The following ABHD17B variants were observed in gnomAD, a reference collection of about 807,000 sequenced individuals.
ABHD17B encodes abhydrolase domain containing 17B, depalmitoylase, also known as alpha/beta hydrolase domain-containing protein 17B.
Under a neutral mutation model 26.2 loss-of-function variants are expected in ABHD17B, and 9 were observed. That is an observed-to-expected ratio of 0.34 (90% CI 0.21 to 0.60). ABHD17B has a LOEUF of 0.60. Ranked by LOEUF, ABHD17B falls within the 20% of genes least tolerant of loss-of-function variation. The pLI is 0.80. For synonymous variants in ABHD17B, 127 were observed against 122.3 expected (o/e 1.04, Z -0.25); for missense variants, 224 against 352.1 (o/e 0.64, Z 2.91).
intron 1 of ABHD17B, among the ~76,000 whole-genome samples, chr9:71,896,537 G>A (rs544154365): frequency 5.3e-5 from 8 of 152,192 alleles, no homozygotes; most frequent in East Asian, 1.9e-4. Context: ...TTCAGCCTGC[G>A]AATAAAAAAG....
At position 71,865,944 on chromosome 9, in the gene ABHD17B, G is replaced by A. The variant is rs1313467107; in HGVS notation, c.*843C>T. 3 of 985,286 alleles carry A rather than the reference G, an allele frequency of 3.0e-6. No individual in the cohort carries two copies. Among genetic ancestry groups the A allele is most frequent in the South Asian group, 4.7e-5 (1 of 21,276 alleles). 61.0% of individuals were successfully genotyped at this position (985,286 alleles called of 1,614,324 possible). On this transcript the variant is annotated 3_prime_UTR_variant, in exon 4 of 4. Transcript: ENST00000333421. ...CTTTAAGATCAACTCATGGACTTTC[G>A]GGATTTCATACAATGAAGACTACTG... is the stretch of plus-strand genomic sequence containing the variant.
chr9:71,867,477 A>T (rs1825989739), intron 3 of ABHD17B, among the ~76,000 whole-genome samples: 1 of 152,254 alleles, frequency 6.6e-6, no homozygotes, highest in Admixed American at 6.5e-5. Context: ...AATGTACTAA[A>T]ATATAATAAA....
At chr9:71,887,365 T>C (rs955714344) in intron 1 of ABHD17B, among the ~76,000 whole-genome samples, 1 of 152,082 alleles carries the variant, frequency 6.6e-6, no homozygotes, top group Non-Finnish European at 1.5e-5. Flanking sequence ...AAGATGAAAA[T>C]TAAGGGTAAA....
chr9:71,874,510 T>G, intron 2 of ABHD17B, 104 bp downstream of exon 2: 4 of 835,580 alleles, frequency 4.8e-6, no homozygotes, highest in Non-Finnish European at 7.3e-6. Flanking sequence ...ATAACCTCTA[T>G]ATAGCAGTTA....
chr9:71,890,237 C>A (rs1198220655), intron 1 of ABHD17B, among the ~76,000 whole-genome samples: 7 of 152,062 alleles, frequency 4.6e-5, no homozygotes, highest in African/African-American at 1.7e-4. Context: ...TTGCAGTGAG[C>A]CAAGTTTGTG....
At chr9:71,903,760 G>A (rs1396010823) in intron 1 of ABHD17B, among the ~76,000 whole-genome samples, 6 of 152,180 alleles carry the variant, frequency 3.9e-5, no homozygotes, top group African/African-American at 7.2e-5. Context: ...GAATGAGTGA[G>A]ATAAATATTT....
chr9:71,867,048 T>A (rs1825979220), intron 3 of ABHD17B, 42 bp from the exon 4 acceptor site: 2 of 1,593,466 alleles, frequency 1.3e-6, no homozygotes, highest in South Asian at 2.2e-5. Context: ...ATAAATTAAC[T>A]ATGTAAAGGA....
At chr9:71,887,154 G>A (rs1347053093) in intron 1 of ABHD17B, among the ~76,000 whole-genome samples, 1 of 152,068 alleles carries the variant, frequency 6.6e-6, no homozygotes, top group East Asian at 1.9e-4. Context: ...TGGGCAATGT[G>A]CAAATAAGAG....
At chr9:71,862,964 T>C (rs1825866129), downstream of ABHD17B, among the ~76,000 whole-genome samples, 1 of 151,642 alleles carries the variant, frequency 6.6e-6, no homozygotes, top group East Asian at 1.9e-4. Context: ...CTTATGAAGC[T>C]CTCTTAAAGT....
rs1052376895 is a variant in ABHD17B, at chr9:71,910,641, T to A, written c.-11A>T. ...CCCCGAGGCCGCACGCACCTGCACCTGAGCGGCCCGGGCCGAAGCGCCGGG... is the reference window on the plus strand; with the variant it reads ...CCCCGAGGCCGCACGCACCTGCACCAGAGCGGCCCGGGCCGAAGCGCCGGG... On this transcript the variant is annotated 5_prime_UTR_variant, in exon 1 of 4. Coordinates refer to ENST00000333421, the MANE Select transcript of ABHD17B (RefSeq NM_001025780.3). 5 of 151,618 alleles carry A rather than the reference T, an allele frequency of 3.3e-5. No individual in the cohort carries two copies. Among genetic ancestry groups the A allele is most frequent in the African/African-American group, 1.2e-4 (5 of 41,252 alleles). 9.4% of individuals were successfully genotyped at this position (151,618 alleles called of 1,614,324 possible).
At chr9:71,896,931 T>C (rs368350570) in intron 1 of ABHD17B, among the ~76,000 whole-genome samples, 8 of 152,282 alleles carry the variant, frequency 5.3e-5, no homozygotes, top group Admixed American at 2.0e-4. Context: ...CTGGGGCTGA[T>C]TATATACAAA....
At position 71,865,500 on chromosome 9, in the gene ABHD17B, T is replaced by C. The variant is rs1307682762; in HGVS notation, c.*1287A>G. 1 of 983,944 alleles carries C rather than the reference T, an allele frequency of 1.0e-6. No individual in the cohort carries two copies. The highest frequency in any genetic ancestry group is 1.2e-6 in the Non-Finnish European group (1 of 828,678). 61.0% of individuals were successfully genotyped at this position (983,944 alleles called of 1,614,324 possible). A position where few individuals can be genotyped will look rare whatever the true frequency, so the allele number is the denominator to read the frequency against. On this transcript the variant is annotated 3_prime_UTR_variant, in exon 4 of 4. Coordinates refer to ENST00000333421, the MANE Select transcript of ABHD17B (RefSeq NM_001025780.3). ...AAGTTATGAATTAAACGTATTCTTA[T>C]CTCCTATACCCAGGAGTGAATCCAT...
rs979822966 is a variant in ABHD17B, at chr9:71,866,099, T to C, written c.*688A>G. On this transcript the variant is annotated 3_prime_UTR_variant, in exon 4 of 4. Coordinates refer to ENST00000333421, the MANE Select transcript of ABHD17B (RefSeq NM_001025780.3). The stretch of plus-strand genomic sequence containing the variant: ...AGTACTTGCCTCACAGTACCAAACT[T>C]AGAAGTCAAAACTAGTTAAAATTCA... 15 of 985,410 alleles carry C rather than the reference T, an allele frequency of 1.5e-5. No individual in the cohort carries two copies. In the South Asian group the frequency reaches 1.9e-4, roughly 12 times the overall value. The allele number at this position is 985,410 out of a possible 1,614,324, so 61.0% of individuals were successfully genotyped here. A position where few individuals can be genotyped will look rare whatever the true frequency, so the allele number is the denominator to read the frequency against.
At chr9:71,867,253 C>G (rs1430414752) in intron 3 of ABHD17B, among the ~76,000 whole-genome samples, 2 of 152,188 alleles carry the variant, frequency 1.3e-5, no homozygotes, top group Non-Finnish European at 2.9e-5. Context: ...ACTCAATGCT[C>G]TTGTCACTCT....
chr9:71,892,255 A>G (rs1382380158), intron 1 of ABHD17B, among the ~76,000 whole-genome samples: 1 of 152,136 alleles, frequency 6.6e-6, no homozygotes, highest in African/African-American at 2.4e-5. Flanking sequence ...GCTCCTGGCC[A>G]GGCGCAGTGA....
At chr9:71,908,482 T>C (rs533813195) in intron 1 of ABHD17B, among the ~76,000 whole-genome samples, 2 of 151,424 alleles carry the variant, frequency 1.3e-5, no homozygotes, top group Admixed American at 1.3e-4. Flanking sequence ...GGGCAATGTA[T>C]GTGAGAAATT....
At chr9:71,891,467 A>G (rs2132179664) in intron 1 of ABHD17B, among the ~76,000 whole-genome samples, 1 of 152,270 alleles carries the variant, frequency 6.6e-6, no homozygotes, top group Middle Eastern at 3.4e-3. Context: ...CTATATCTAT[A>G]AAGCTTTTCT....
intron 1 of ABHD17B, among the ~76,000 whole-genome samples, chr9:71,884,756 T>C (rs1230639081): frequency 6.6e-6 from 1 of 152,002 alleles, no homozygotes; most frequent in Non-Finnish European, 1.5e-5. Context: ...TCTGCTTGCT[T>C]ACAACTGGAC....
At chr9:71,864,289 G>A (rs1215445001), downstream of ABHD17B, among the ~76,000 whole-genome samples, 4 of 125,444 alleles carry the variant, frequency 3.2e-5, no homozygotes, top group East Asian at 4.9e-4. Flanking sequence ...GTGCGATCTC[G>A]GCTCACTGCA....
Sources: gnomAD v4.1 joint callset for allele counts (sites outside exome capture counted in the v4.1 genomes callset) on GRCh38, gnomAD v4.1.1 for gene constraint, MANE v1.5 for transcripts, NCBI Gene and HGNC (gene_info 2026-07-23, HGNC 2026-07-21) for gene names.